DCTPP1: variants seen among roughly 807,000 people sequenced by gnomAD.
DCTPP1 encodes XTP3-transactivated gene A protein.
In DCTPP1, 8 loss-of-function variants were observed where a neutral mutation model predicts 8.8. The ratio of observed to expected loss-of-function variants is 0.91; its 90% confidence interval spans 0.54 to 1.64. The LOEUF is 1.64. Ranked by LOEUF, DCTPP1 falls within the 40% of genes most tolerant of loss-of-function variation. The pLI is 0.00. For missense variants in DCTPP1, 231 were observed against 230.4 expected (o/e 1.00, Z -0.02); for synonymous variants, 85 against 92.1 (o/e 0.92, Z 0.44).
intron 2 of DCTPP1, among the ~76,000 whole-genome samples, chr16:30,426,911 G>A (rs568776959): frequency 1.3e-5 from 2 of 151,916 alleles, no homozygotes; most frequent in South Asian, 4.2e-4. Flanking sequence ...ATGTTGGCCA[G>A]GCTGGTCTTG....
chr16:30,425,492 AAAC>A (rs1441576029), intron 2 of DCTPP1, among the ~76,000 whole-genome samples: 4 of 151,758 alleles, frequency 2.6e-5, no homozygotes, highest in Admixed American at 2.6e-4. Flanking sequence ...CGTCTCAAAA[AAAC>A]AACAAAACAA....
At chr16:30,428,876 C>T (rs2050208643) in intron 2 of DCTPP1, 181 bp downstream of exon 2, 1 of 570,240 alleles carries the variant, frequency 1.8e-6, no homozygotes, top group Non-Finnish European at 3.0e-6. Context: ...CCTCTCTCTT[C>T]CAGGAGGCTG....
chr16:30,427,840 A>C (rs2050202822), intron 2 of DCTPP1, among the ~76,000 whole-genome samples: 1 of 152,196 alleles, frequency 6.6e-6, no homozygotes. Flanking sequence ...TACAAAAAGT[A>C]AAAATAAATT....
intron 2 of DCTPP1, 115 bp downstream of exon 2, chr16:30,428,942 A>C: frequency 8.8e-7 from 1 of 1,133,884 alleles, no homozygotes; most frequent in Non-Finnish European, 1.3e-6. Context: ...ACAACAGCAA[A>C]GAGCCTAGCA....
intron 2 of DCTPP1, among the ~76,000 whole-genome samples, chr16:30,425,100 G>A (rs995189427): frequency 2.0e-5 from 3 of 152,050 alleles, no homozygotes; most frequent in African/African-American, 7.2e-5. Context: ...GGCTGGTCTC[G>A]AACTCCTGAC....
In DCTPP1 at chr16:30,424,219, C is replaced by T. The variant is rs1296649720; in HGVS notation, c.*14G>A. 2 of 1,611,598 alleles carry T rather than the reference C, an allele frequency of 1.2e-6. No individual in the cohort carries two copies. Among genetic ancestry groups the T allele is most frequent in the Non-Finnish European group, 1.7e-6 (2 of 1,178,364 alleles). On this transcript the variant is annotated 3_prime_UTR_variant, in exon 3 of 3. Coordinates refer to ENST00000319285, the MANE Select transcript of DCTPP1 (RefSeq NM_024096.2). ...CAGACACCACCCTGAGTTGCAAGTC[C>T]TGTGGCCATCTTTCTAGGTTGAGGT... is the stretch of plus-strand genomic sequence containing the variant.
intron 1 of DCTPP1, chr16:30,429,624 C>T: frequency 2.1e-6 from 1 of 486,926 alleles, no homozygotes; most frequent in African/African-American, 2.0e-5. Flanking sequence ...GTATCTGGTG[C>T]CGGTATCTTC....
intron 2 of DCTPP1, among the ~76,000 whole-genome samples, chr16:30,428,264 C>T (rs1197086358): frequency 6.6e-6 from 1 of 152,246 alleles, no homozygotes; most frequent in African/African-American, 2.4e-5. Context: ...TGAGCGCCTA[C>T]TATGCGCTGG....
chr16:30,429,917 G>A lies in DCTPP1; in HGVS notation c.64C>T (p.Arg22Trp), dbSNP rs781610165. The A allele has an allele frequency of 1.9e-6, 3 of 1,594,368 alleles. No homozygotes were observed. Among genetic ancestry groups the A allele is most frequent in the Admixed American group, 1.7e-5 (1 of 58,144 alleles). Residue 22 changes from arginine (R) to tryptophan (W), a missense_variant, in exon 1 of 3, where the codon CGG (arginine) becomes TGG (tryptophan). Coordinates refer to ENST00000319285, the MANE Select transcript of DCTPP1 (RefSeq NM_024096.2). ...TGGEDTAAPG[R>W]FSFSPEPTLE... ...GTGGGCTCCGGGCTGAAGCTGAACCGGCCGGGAGCAGCAGTGTCCTCTCCC... is the reference window on the plus strand; with the variant it reads ...GTGGGCTCCGGGCTGAAGCTGAACCAGCCGGGAGCAGCAGTGTCCTCTCCC...
At chr16:30,429,006 C>T (rs375231646) in intron 2 of DCTPP1, 51 bp downstream of exon 2, 1 of 1,530,406 alleles carries the variant, frequency 6.5e-7, no homozygotes, top group East Asian at 2.3e-5. Context: ...AAATGCTCCC[C>T]TCCCCTCCCC....
chr16:30,424,500 T>A lies in DCTPP1; in HGVS notation c.246A>T (p.Gln82His), dbSNP rs771392941. 6.2e-7 allele frequency: 1 copy of A among 1,614,092 alleles called. No homozygotes were observed. Among genetic ancestry groups the A allele is most frequent in the Non-Finnish European group, 8.5e-7 (1 of 1,180,020 alleles). Residue 82 changes from glutamine to histidine, a missense_variant, in exon 3 of 3, where the codon CAA becomes CAT. By Grantham distance (24) the Gln-to-His change is conservative. Transcript: ENST00000319285. ...CTGCCCGTTCCCTGGGGGACCAGCC[T>A]TGGGGGCCAGGTTCCCCATCGGTTT... The part of the protein sequence containing the change: ...QWKTDGEPGP[Q>H]GWSPRERAAL...
chr16:30,425,194 A>G (rs1163833536), intron 2 of DCTPP1, among the ~76,000 whole-genome samples: 1 of 152,098 alleles, frequency 6.6e-6, no homozygotes, highest in Non-Finnish European at 1.5e-5. Flanking sequence ...CCATCTTTTA[A>G]AAGCACAAAT....
At chr16:30,426,691 TTTTTG>T (rs902709301) in intron 2 of DCTPP1, among the ~76,000 whole-genome samples, 10 of 151,566 alleles carry the variant, frequency 6.6e-5, no homozygotes, top group Middle Eastern at 3.4e-3. Flanking sequence ...AGGCTGGTCT[TTTTTG>T]TTTTGTTTTG....
At chr16:30,424,638 A>C in intron 2 of DCTPP1, 105 bp from the exon 3 acceptor site, 2 of 1,421,410 alleles carry the variant, frequency 1.4e-6, no homozygotes, top group Non-Finnish European at 1.9e-6. Flanking sequence ...GACCTAACCA[A>C]TCTGGGCCCT....
intron 1 of DCTPP1, 68 bp from the exon 2 acceptor site, chr16:30,429,235 G>T: frequency 6.5e-7 from 1 of 1,536,904 alleles, no homozygotes; most frequent in Non-Finnish European, 9.0e-7. Flanking sequence ...GCCAGAGGCA[G>T]CTACCCCCGT....
At position 30,429,995 on chromosome 16, in the gene DCTPP1, C is replaced by T; in HGVS notation, c.-15G>A. The T allele has an allele frequency of 6.7e-7, 1 of 1,490,646 alleles. No individual in the cohort carries two copies. The highest frequency in any genetic ancestry group is 8.9e-7 in the Non-Finnish European group (1 of 1,120,124). 92.3% of individuals were successfully genotyped at this position (1,490,646 alleles called of 1,614,324 possible). ...GCCACAGACATGCCGCCCACCGCTG[C>T]ACCGCGACTTCACGGAAAACCCACG... On this transcript the variant is annotated 5_prime_UTR_variant, in exon 1 of 3. Coordinates refer to ENST00000319285, the MANE Select transcript of DCTPP1 (RefSeq NM_024096.2).
intron 2 of DCTPP1, among the ~76,000 whole-genome samples, chr16:30,425,236 C>T (rs1342745979): frequency 6.6e-6 from 1 of 152,136 alleles, no homozygotes; most frequent in East Asian, 1.9e-4. Flanking sequence ...CGCCTATAAT[C>T]CCAGCACTTG....
chr16:30,424,192 T>G lies in DCTPP1; in HGVS notation c.*41A>C. The G allele has an allele frequency of 6.2e-7, 1 of 1,603,596 alleles. No individual in the cohort carries two copies. The highest frequency in any genetic ancestry group is 8.5e-7 in the Non-Finnish European group (1 of 1,173,704). Reference sequence around the variant, plus strand: ...TCCAGGGCCAGGCCACTCTCTGCTCTTCAGACACCACCCTGAGTTGCAAGT... The same window carrying G: ...TCCAGGGCCAGGCCACTCTCTGCTCGTCAGACACCACCCTGAGTTGCAAGT... On this transcript the variant is annotated 3_prime_UTR_variant, in exon 3 of 3. Transcript: ENST00000319285.
chr16:30,429,245 T>C, intron 1 of DCTPP1, 78 bp from the exon 2 acceptor site: 3 of 1,427,594 alleles, frequency 2.1e-6, no homozygotes, highest in Non-Finnish European at 2.9e-6. Context: ...GCTACCCCCG[T>C]AGTATGTAAT....
Sources: allele counts gnomAD v4.1 joint callset (sites outside exome capture counted in the v4.1 genomes callset), GRCh38; gene constraint gnomAD v4.1.1; transcripts MANE v1.5; gene names NCBI Gene and HGNC (gene_info 2026-07-23, HGNC 2026-07-21).